PNPLA6: variants seen among roughly 807,000 people sequenced by gnomAD.
PNPLA6 encodes patatin-like phospholipase domain-containing protein 6.
Under a neutral mutation model 153.7 loss-of-function variants are expected in PNPLA6, and 105 were observed. The ratio of observed to expected loss-of-function variants is 0.68; its 90% CI spans 0.58 to 0.80. The LOEUF is 0.80. Ranked by LOEUF, PNPLA6 falls within the 30% of genes least tolerant of loss-of-function variation. PNPLA6 has a pLI of 0.00. For synonymous variants in PNPLA6, 825 were observed against 822.2 expected (o/e 1.00, Z -0.06); for missense variants, 1,423 against 1,919.3 (o/e 0.74, Z 4.83).
At chr19:7,549,871 C>T (rs1187009125) in intron 13 of PNPLA6, 36 bp from the exon 14 acceptor site, 2 of 1,602,238 alleles carry the variant, frequency 1.2e-6, no homozygotes, top group African/African-American at 1.3e-5. Flanking sequence ...CCACGCTGTC[C>T]GGGTTCTGTG....
rs995474462 is a variant in PNPLA6, at chr19:7,550,787, A to G, written c.2070+147A>G. 24 of 1,100,938 alleles carry G rather than the reference A, an allele frequency of 2.2e-5. No homozygotes were observed. In the African/African-American group the frequency reaches 4.2e-4, roughly 19 times the overall value. The allele number at this position is 1,100,938 out of a possible 1,614,324, so 68.2% of individuals were successfully genotyped here. ...CCAGTCCACTCCCCGCCCAGACCTC[A>G]TTTCGTTGGAAAAAGGGGATTCCGC... On this transcript the variant is annotated intron_variant, in intron 16 of 31. Coordinates refer to ENST00000600737, the MANE Select transcript of PNPLA6 (RefSeq NM_001166114.2).
intron 13 of PNPLA6, 182 bp from the exon 14 acceptor site, chr19:7,549,725 G>C: frequency 1.5e-6 from 1 of 648,124 alleles, no homozygotes; most frequent in East Asian, 2.7e-5. Flanking sequence ...GGCCTCAAGT[G>C]ATCCCCCCTG....
At chr19:7,556,959 C>T in intron 26 of PNPLA6, 1 of 696,788 alleles carries the variant, frequency 1.4e-6, no homozygotes, top group Middle Eastern at 3.7e-4. Flanking sequence ...TCACGCCATC[C>T]CCGCAGGCTG....
intron 3 of PNPLA6, among the ~76,000 whole-genome samples, chr19:7,536,950 A>G (rs7249369): frequency 1.6e-3 from 209 of 127,038 alleles, no homozygotes; most frequent in African/African-American, 3.2e-3. Flanking sequence ...AAAAAAAAAA[A>G]AAGAAGAAGA....
intron 18 of PNPLA6, among the ~76,000 whole-genome samples, chr19:7,552,652 G>A (rs1011371998): frequency 2.6e-5 from 4 of 151,432 alleles, no homozygotes; most frequent in African/African-American, 4.9e-5. Flanking sequence ...CTACTTGGAC[G>A]GCTGAGGCAG....
chr19:7,541,794 A>G lies in PNPLA6; in HGVS notation c.1168+110A>G. On this transcript the variant is annotated intron_variant, in intron 9 of 31. Transcript: ENST00000600737. The surrounding 1 kb of genome is among the most constrained non-coding windows in gnomAD (Gnocchi z 5.2). ...AGTCAACCTGACCTTGTCCAGCCCC[A>G]CAGGGACTCCATAGCGGGGTACCCA... is the stretch of plus-strand genomic sequence containing the variant. The G allele has an allele frequency of 7.0e-6, 9 of 1,293,000 alleles. No individual in the cohort carries two copies. The highest frequency in any genetic ancestry group is 1.9e-4 in the Middle Eastern group (1 of 5,342). 80.1% of individuals were successfully genotyped at this position (1,293,000 alleles called of 1,614,324 possible). A position where few individuals can be genotyped will look rare whatever the true frequency, so the allele number is the denominator to read the frequency against.
chr19:7,543,727 A>G (rs1181688572), intron 13 of PNPLA6, among the ~76,000 whole-genome samples: 3 of 152,192 alleles, frequency 2.0e-5, no homozygotes, highest in African/African-American at 7.2e-5. Context: ...GATGATCTAG[A>G]AAGTTCTCTG....
Position 7,535,879 on chromosome 19 carries a change from G to A in PNPLA6, c.91G>A (p.Glu31Lys), listed in dbSNP as rs763407713. ...DGFQDVLAPG[E>K]GSAGRICGAQ... ...GTTCCAGGACGTCCTGGCGCCCGGG[G>A]AAGGCTCGGCGGGACGGATTTGCGG... is the stretch of plus-strand genomic sequence containing the variant. Residue 31 changes from glutamate (E) to lysine (K), a missense_variant, in exon 1 of 32, where the codon GAA (glutamate) becomes AAA (lysine). Physicochemically the swap from Glu to Lys is moderately conservative, Grantham distance 56. Coordinates refer to ENST00000600737, the MANE Select transcript of PNPLA6 (RefSeq NM_001166114.2). The surrounding 1 kb of genome is among the most constrained non-coding windows in gnomAD (Gnocchi z 5.0). 6.5e-6 allele frequency: 10 copies of A among 1,544,094 alleles called. No homozygotes were observed. Among genetic ancestry groups the A allele is most frequent in the Non-Finnish European group, 8.7e-6 (10 of 1,150,200 alleles).
At chr19:7,559,241 C>A in intron 28 of PNPLA6, 90 bp downstream of exon 28, 1 of 1,104,396 alleles carries the variant, frequency 9.1e-7, no homozygotes, top group Admixed American at 1.8e-5. Flanking sequence ...GGGGAGGAAT[C>A]CAGGAGGAAT....
In PNPLA6 at chr19:7,540,616, C is replaced by G. The variant is rs776706232; in HGVS notation, c.715-14C>G. 1.9e-6 allele frequency: 3 copies of G among 1,607,116 alleles called. No homozygotes were observed. The highest frequency in any genetic ancestry group is 2.6e-6 in the Non-Finnish European group (3 of 1,173,630). ...GGCGAGGCCACTGAGGGTCCACGGT[C>G]TCCTGTGTCTCAGGACGGGAAGGAG... On this transcript the variant is annotated splice_polypyrimidine_tract_variant and intron_variant, in intron 5 of 31. Transcript: ENST00000600737. The surrounding 1 kb of genome is among the most constrained non-coding windows in gnomAD (Gnocchi z 6.8).
chr19:7,547,796 C>A (rs1451965148), intron 13 of PNPLA6, among the ~76,000 whole-genome samples: 2 of 144,436 alleles, frequency 1.4e-5, no homozygotes, highest in Non-Finnish European at 3.0e-5. Context: ...TGCTACCATG[C>A]CTGGCTAATT....
At chr19:7,543,306 C>T (rs1433183346) in intron 13 of PNPLA6, among the ~76,000 whole-genome samples, 1 of 152,146 alleles carries the variant, frequency 6.6e-6, no homozygotes, top group Non-Finnish European at 1.5e-5. Flanking sequence ...CACCTGTGAC[C>T]CCTGAACCTT....
intron 16 of PNPLA6, 106 bp downstream of exon 16, chr19:7,550,746 C>T: frequency 1.4e-6 from 2 of 1,445,472 alleles, no homozygotes; most frequent in Admixed American, 1.9e-5. Flanking sequence ...ATGCAGCTCC[C>T]GACCTCTGAG....
In PNPLA6 at chr19:7,555,376, G is replaced by A. The variant is rs1599305430; in HGVS notation, c.2936+9G>A. 5.3e-6 allele frequency: 8 copies of A among 1,516,252 alleles called. No individual in the cohort carries two copies. The highest frequency in any genetic ancestry group is 7.1e-6 in the Non-Finnish European group (8 of 1,119,012). The allele number at this position is 1,516,252 out of a possible 1,614,324, so 93.9% of individuals were successfully genotyped here. A position where few individuals can be genotyped will look rare whatever the true frequency, so the allele number is the denominator to read the frequency against. The stretch of plus-strand genomic sequence containing the variant: ...GGCGGGGGCGGGGCCAGGTGAGGGC[G>A]GGGCTTGCTCTCTGGGGGCGGGGCC... On this transcript the variant is annotated intron_variant, in intron 23 of 31. Coordinates refer to ENST00000600737, the MANE Select transcript of PNPLA6 (RefSeq NM_001166114.2). The surrounding 1 kb of genome is among the most constrained non-coding windows in gnomAD (Gnocchi z 6.3).
chr19:7,536,222 G>A lies in PNPLA6; in HGVS notation c.264G>A (p.Arg88=), dbSNP rs761509654. 9.3e-6 allele frequency: 15 copies of A among 1,613,832 alleles called. No homozygotes were observed. The highest frequency in any genetic ancestry group is 4.4e-5 in the South Asian group (4 of 91,084). Residue 88 remains arginine, a synonymous_variant, in exon 2 of 32, where the codon CGG becomes CGA. Coordinates refer to ENST00000600737, the MANE Select transcript of PNPLA6 (RefSeq NM_001166114.2). ...CAGCCCCGGATGGCCCCCGGTATCG[G>A]TTCCGGAAGAGGGACAAAGTGCTCT... ...KTPAPDGPRY[R]FRKRDKVLFY...
chr19:7,556,879 C>A, intron 26 of PNPLA6, 155 bp downstream of exon 26: 1 of 715,514 alleles, frequency 1.4e-6, no homozygotes, highest in South Asian at 1.5e-5. Flanking sequence ...CCACTAATGC[C>A]CCGGAGACCC....
chr19:7,543,436 C>A (rs941286431), intron 13 of PNPLA6, among the ~76,000 whole-genome samples: 2 of 152,248 alleles, frequency 1.3e-5, no homozygotes, highest in African/African-American at 4.8e-5. Context: ...ATGCTGACCG[C>A]TGCCAGGATA....
At position 7,540,479 on chromosome 19, in the gene PNPLA6, T is replaced by G; in HGVS notation, c.715-151T>G. The G allele has an allele frequency of 1.0e-6, 1 of 961,280 alleles. No individual in the cohort carries two copies. The highest frequency in any genetic ancestry group is 1.6e-6 in the Non-Finnish European group (1 of 615,088). The allele number at this position is 961,280 out of a possible 1,614,324, so 59.5% of individuals were successfully genotyped here. On this transcript the variant is annotated intron_variant, in intron 5 of 31. Transcript: ENST00000600737. The surrounding 1 kb of genome is among the most constrained non-coding windows in gnomAD (Gnocchi z 6.8). ...GTAGTTGCTCAGTAGTTACAAGTAT[T>G]GAACGATGGGAGATGCCTGCTCGTT...
chr19:7,560,860 G>A, intron 29 of PNPLA6, 96 bp downstream of exon 29: 1 of 912,700 alleles, frequency 1.1e-6, no homozygotes, highest in Admixed American at 1.9e-5. Context: ...GACCCCACAT[G>A]TCCCTGGGTT....
Sources: allele counts gnomAD v4.1 joint callset (sites outside exome capture counted in the v4.1 genomes callset), GRCh38; gene constraint gnomAD v4.1.1; non-coding constraint Gnocchi (gnomAD v3.1); transcripts MANE v1.5; gene names NCBI Gene and HGNC (gene_info 2026-07-23, HGNC 2026-07-21).